The following SH3RF3 variants were observed in gnomAD, a reference collection of about 807,000 sequenced individuals.
SH3RF3 encodes E3 ubiquitin-protein ligase SH3RF3.
In SH3RF3, 29 loss-of-function variants were observed where a neutral mutation model predicts 66.3. The observed-to-expected ratio is 0.44, with a 90% confidence interval of 0.33 to 0.60. The LOEUF (loss-of-function observed/expected upper bound fraction) is 0.60. Ranked by LOEUF, SH3RF3 falls within the 20% of genes least tolerant of loss-of-function variation. The pLI, the probability that SH3RF3 is intolerant of heterozygous loss-of-function variation, is 0.04. For missense variants in SH3RF3, 1,194 were observed against 1,190.9 expected (o/e 1.00, Z -0.04); for synonymous variants, 583 against 532.0 (o/e 1.10, Z -1.32).
chr2:109,159,537 A>G (rs983160461), intron 1 of SH3RF3, among the ~76,000 whole-genome samples: 1 of 152,234 alleles, frequency 6.6e-6, no homozygotes, highest in African/African-American at 2.4e-5. Context: ...CTTATTGTCC[A>G]TGTAGTGAGT....
intron 1 of SH3RF3, chr2:109,141,649 C>T (rs1442679657): frequency 5.2e-5 from 8 of 154,836 alleles, no homozygotes; most frequent in South Asian, 2.0e-4. Flanking sequence ...AGAGTGATGA[C>T]GCCTGGGGAT....
At chr2:109,381,255 G>A (rs114565423) in intron 3 of SH3RF3, among the ~76,000 whole-genome samples, 1,844 of 152,332 alleles carry the variant, frequency 0.012, 37 homozygotes, top group African/African-American at 0.037. Flanking sequence ...TGCAGCCGGT[G>A]GAAGTAACTG....
At position 109,419,612 on chromosome 2, in the gene SH3RF3, C is replaced by T. The variant is rs368451676; in HGVS notation, c.1373C>T (p.Thr458Met). The change falls in exon 5 of 10, where the codon ACG (threonine) becomes ATG (methionine). Residue 458 changes from threonine to methionine, a missense_variant. Coordinates refer to ENST00000309415, the MANE Select transcript of SH3RF3 (RefSeq NM_001099289.3). ...RAASVSGEQGTPPKVQLPLNV... is the reference protein window; with the variant it reads ...RAASVSGEQGMPPKVQLPLNV... ...GCCTCGGTGTCTGGAGAGCAGGGCACGCCTCCCAAGGTCCAGCTGCCCCTC... is the reference window on the plus strand; with the variant it reads ...GCCTCGGTGTCTGGAGAGCAGGGCATGCCTCCCAAGGTCCAGCTGCCCCTC... 38 of 1,591,140 alleles carry T rather than the reference C, an allele frequency of 2.4e-5. No individual in the cohort carries two copies. The African/African-American group carries it at 3.7e-4, about 16-fold the overall frequency.
intron 1 of SH3RF3, among the ~76,000 whole-genome samples, chr2:109,169,148 C>T (rs1488215965): frequency 5.9e-5 from 9 of 152,116 alleles, no homozygotes; most frequent in Non-Finnish European, 1.3e-4. Flanking sequence ...GCCCACATCT[C>T]GTCATATGTA....
intron 3 of SH3RF3, among the ~76,000 whole-genome samples, chr2:109,387,265 G>A (rs970580431): frequency 6.6e-6 from 1 of 152,168 alleles, no homozygotes; most frequent in Non-Finnish European, 1.5e-5. Flanking sequence ...GCTTCCAAGT[G>A]CCTCACCTGT....
At chr2:109,170,987 A>C (rs934288) in intron 1 of SH3RF3, among the ~76,000 whole-genome samples, 133,800 of 152,204 alleles carry the variant, frequency 0.88, 59,093 homozygotes, top group African/African-American at 0.97. Flanking sequence ...GGCGCTCCCC[A>C]CAGGAACCAA....
chr2:109,427,644 G>A (rs943328602), intron 5 of SH3RF3, among the ~76,000 whole-genome samples: 4 of 152,252 alleles, frequency 2.6e-5, no homozygotes, highest in African/African-American at 9.6e-5. Context: ...AGTTGGGAAA[G>A]ACATCAGCTC....
chr2:109,370,927 A>G (rs1314965957), intron 2 of SH3RF3, among the ~76,000 whole-genome samples: 1 of 152,232 alleles, frequency 6.6e-6, no homozygotes, highest in Non-Finnish European at 1.5e-5. Flanking sequence ...TTGTTCTTGG[A>G]TGAAGCCAGA....
At chr2:109,345,439 A>G (rs960387832) in intron 1 of SH3RF3, among the ~76,000 whole-genome samples, 14 of 152,202 alleles carry the variant, frequency 9.2e-5, no homozygotes, top group African/African-American at 3.4e-4. Flanking sequence ...TACCAATGGT[A>G]GCAAAAGTCG....
chr2:109,158,117 A>ATAGC (rs549600389), intron 1 of SH3RF3, among the ~76,000 whole-genome samples: 22 of 152,214 alleles, frequency 1.4e-4, no homozygotes, highest in Admixed American at 1.4e-3. Flanking sequence ...AGAGGGTCCC[A>ATAGC]TAGCTAGTAA....
chr2:109,162,767 G>A (rs1047197201), intron 1 of SH3RF3, among the ~76,000 whole-genome samples: 13 of 152,192 alleles, frequency 8.5e-5, no homozygotes, highest in African/African-American at 3.1e-4. Context: ...GGGTCAAATG[G>A]TATTTCTAGT....
At chr2:109,227,915 C>T (rs1014668905) in intron 1 of SH3RF3, among the ~76,000 whole-genome samples, 3 of 152,292 alleles carry the variant, frequency 2.0e-5, no homozygotes, top group African/African-American at 4.8e-5. Context: ...TGATGGTGAC[C>T]GTCATTCCTG....
chr2:109,322,186 C>T (rs757370397), intron 1 of SH3RF3, among the ~76,000 whole-genome samples: 1 of 152,118 alleles, frequency 6.6e-6, no homozygotes, highest in Non-Finnish European at 1.5e-5. Context: ...AGACTCAGCG[C>T]CCCTTCAAGC....
intron 1 of SH3RF3, among the ~76,000 whole-genome samples, chr2:109,326,508 C>G (rs544048906): frequency 1.3e-5 from 2 of 152,168 alleles, no homozygotes; most frequent in Non-Finnish European, 2.9e-5. Flanking sequence ...CCGACACTTG[C>G]TGTTGCCAGA....
chr2:109,132,890 C>G (rs1480289558), intron 1 of SH3RF3, among the ~76,000 whole-genome samples: 1 of 152,182 alleles, frequency 6.6e-6, no homozygotes, highest in Non-Finnish European at 1.5e-5. Context: ...TTGAGTAATT[C>G]AAAACATGCT....
intron 1 of SH3RF3, among the ~76,000 whole-genome samples, chr2:109,196,164 G>A (rs540879103): frequency 1.3e-5 from 2 of 152,354 alleles, no homozygotes; most frequent in East Asian, 3.9e-4. Flanking sequence ...ATGGCTGGTT[G>A]GCCATGGCAG....
intron 2 of SH3RF3, among the ~76,000 whole-genome samples, chr2:109,361,375 A>G (rs1362232606): frequency 1.3e-5 from 2 of 152,248 alleles, no homozygotes; most frequent in African/African-American, 2.4e-5. Context: ...TTGAGATTGT[A>G]GAGAATTGGT....
rs144688737 is a variant in SH3RF3 at position 109,196,720 on chromosome 2, C to T, written c.573+66607C>T. Among the ~76,000 whole-genome samples, 34 of 152,226 alleles carry T rather than the reference C, an allele frequency of 2.2e-4. No homozygotes were observed. In the East Asian group the frequency reaches 3.7e-3, roughly 16 times the overall value. Reference sequence around the variant, plus strand: ...TCCTGAGCTGGTGTGTGCCTCCTCCCGGAGGAGGGAGCTGCACCACATGCC... The same window carrying T: ...TCCTGAGCTGGTGTGTGCCTCCTCCTGGAGGAGGGAGCTGCACCACATGCC... On this transcript the variant is annotated intron_variant, in intron 1 of 9. Coordinates refer to ENST00000309415, the MANE Select transcript of SH3RF3 (RefSeq NM_001099289.3).
intron 1 of SH3RF3, among the ~76,000 whole-genome samples, chr2:109,145,836 C>T (rs1232969321): frequency 6.6e-6 from 1 of 152,150 alleles, no homozygotes; most frequent in Non-Finnish European, 1.5e-5. Context: ...GCTTCCACAT[C>T]ACCAGGCTGA....
Sources: gnomAD v4.1 joint callset for allele counts (sites outside exome capture counted in the v4.1 genomes callset) on GRCh38, gnomAD v4.1.1 for gene constraint, MANE v1.5 for transcripts, NCBI Gene and HGNC (gene_info 2026-07-23, HGNC 2026-07-21) for gene names.